The following LRRC4C variants were observed in gnomAD, a reference collection of about 807,000 sequenced individuals.
LRRC4C encodes the protein leucine-rich repeat-containing protein 4C.
In LRRC4C, 5 loss-of-function variants were observed where a neutral mutation model predicts 33.6. The ratio of observed to expected loss-of-function variants is 0.15; its 90% CI spans 0.08 to 0.31. The LOEUF is 0.31. Among genes scored for constraint, LRRC4C ranks in the 10% least tolerant of loss-of-function variants. The pLI is 1.00. For synonymous variants in LRRC4C, 329 were observed against 302.0 expected (o/e 1.09, Z -0.93); for missense variants, 560 against 796.7 (o/e 0.70, Z 3.58).
intron 1 of LRRC4C, among the ~76,000 whole-genome samples, chr11:41,372,615 A>G (rs1306562292): frequency 6.6e-6 from 1 of 152,280 alleles, no homozygotes; most frequent in East Asian, 1.9e-4. Context: ...ATGAAGTTGG[A>G]GACACAGATA....
At chr11:40,904,759 C>G (rs755508925) in intron 2 of LRRC4C, among the ~76,000 whole-genome samples, 1 of 152,124 alleles carries the variant, frequency 6.6e-6, no homozygotes, top group Non-Finnish European at 1.5e-5. Context: ...CTCTCTCTCT[C>G]GGTCTAGATC....
intron 2 of LRRC4C, among the ~76,000 whole-genome samples, chr11:40,793,541 C>T (rs1226637004): frequency 2.0e-5 from 3 of 152,076 alleles, no homozygotes; most frequent in African/African-American, 7.2e-5. Flanking sequence ...TCATTTAATA[C>T]TCACAACAAA....
At chr11:40,274,699 T>C (rs1199336341) in intron 4 of LRRC4C, among the ~76,000 whole-genome samples, 1 of 152,058 alleles carries the variant, frequency 6.6e-6, no homozygotes, top group East Asian at 1.9e-4. Flanking sequence ...GACTCTTGGA[T>C]AGATAAAAAG....
intron 3 of LRRC4C, among the ~76,000 whole-genome samples, chr11:40,521,079 T>C (rs1339963625): frequency 6.6e-6 from 1 of 152,110 alleles, no homozygotes; most frequent in Non-Finnish European, 1.5e-5. Flanking sequence ...AAGCAACCAT[T>C]TGTGAAATGT....
chr11:40,387,471 C>T (rs1387097659), intron 3 of LRRC4C, among the ~76,000 whole-genome samples: 1 of 152,152 alleles, frequency 6.6e-6, no homozygotes, highest in Non-Finnish European at 1.5e-5. Flanking sequence ...CGCACAGTAC[C>T]CATGACTAAC....
chr11:40,344,667 A>G (rs1947038227), intron 3 of LRRC4C, among the ~76,000 whole-genome samples: 1 of 152,072 alleles, frequency 6.6e-6, no homozygotes, highest in South Asian at 2.1e-4. Context: ...AATCCAGCAA[A>G]GGAAAGAAAT....
intron 3 of LRRC4C, among the ~76,000 whole-genome samples, chr11:40,474,239 G>A (rs1953092333): frequency 1.3e-5 from 2 of 152,012 alleles, no homozygotes; most frequent in Non-Finnish European, 2.9e-5. Flanking sequence ...CAGATATATA[G>A]ACCAACGGAA....
intron 2 of LRRC4C, among the ~76,000 whole-genome samples, chr11:40,802,469 C>T (rs1004963354): frequency 6.6e-6 from 1 of 150,406 alleles, no homozygotes; most frequent in African/African-American, 2.4e-5. Context: ...TAATAAAACA[C>T]CCAGAAATTG....
intron 1 of LRRC4C, among the ~76,000 whole-genome samples, chr11:41,213,722 TC>T (rs1358517107): frequency 1.3e-5 from 2 of 152,208 alleles, no homozygotes; most frequent in South Asian, 2.1e-4. Flanking sequence ...AATATGCACT[TC>T]CATACACACA....
At chr11:40,236,094 T>A (rs1343465050) in intron 5 of LRRC4C, among the ~76,000 whole-genome samples, 4 of 150,156 alleles carry the variant, frequency 2.7e-5, no homozygotes, top group Non-Finnish European at 4.4e-5. Context: ...CTTCAGCCTA[T>A]GAAAAAAAAA....
intron 1 of LRRC4C, among the ~76,000 whole-genome samples, chr11:41,129,570 G>T (rs1565410312): frequency 6.6e-6 from 1 of 151,770 alleles, no homozygotes. Context: ...AATTCAAATG[G>T]ATTCTTCAAT....
chr11:40,256,350 T>C (rs865873489), intron 4 of LRRC4C, among the ~76,000 whole-genome samples: 1 of 152,142 alleles, frequency 6.6e-6, no homozygotes, highest in Non-Finnish European at 1.5e-5. Context: ...GAACTGGAAG[T>C]AATGATGACA....
rs1188440177 is a variant in LRRC4C at position 41,442,866 on chromosome 11, C to CA, written c.-496+16564dup. On this transcript the variant is annotated intron_variant, in intron 1 of 6. Transcript: ENST00000528697. ...TAATCTGAAATAGTTCATCTATCTT[C>CA]AAATTTCTGCCCAACAATTACAATG... Among the ~76,000 whole-genome samples the CA allele has an allele frequency of 3.3e-5, 5 of 152,040 alleles. No homozygotes were observed. The East Asian group carries it at 9.7e-4, about 29-fold the overall frequency.
intron 2 of LRRC4C, among the ~76,000 whole-genome samples, chr11:40,861,105 G>A (rs1429204822): frequency 6.6e-6 from 1 of 151,806 alleles, no homozygotes; most frequent in Non-Finnish European, 1.5e-5. Flanking sequence ...TAACTCTCAG[G>A]GGAAACTAAG....
chr11:41,173,797 G>A (rs1048725445), intron 1 of LRRC4C, among the ~76,000 whole-genome samples: 1 of 152,182 alleles, frequency 6.6e-6, no homozygotes. Context: ...TCTAACTTCA[G>A]TGCATGACTC....
intron 4 of LRRC4C, among the ~76,000 whole-genome samples, chr11:40,270,374 T>G (rs528284491): frequency 6.6e-6 from 1 of 152,074 alleles, no homozygotes; most frequent in Non-Finnish European, 1.5e-5. Context: ...TCTCAGTCTT[T>G]CCTTTCTGCT....
chr11:40,779,008 C>T (rs1950117123), intron 2 of LRRC4C, among the ~76,000 whole-genome samples: 1 of 152,070 alleles, frequency 6.6e-6, no homozygotes, highest in South Asian at 2.1e-4. Flanking sequence ...GTTCTCTCTA[C>T]ATTGTGGAGA....
chr11:40,476,856 G>A (rs1162351233), intron 3 of LRRC4C, among the ~76,000 whole-genome samples: 1 of 152,104 alleles, frequency 6.6e-6, no homozygotes, highest in Non-Finnish European at 1.5e-5. Flanking sequence ...TATTATGGCA[G>A]ATTTAAACTA....
chr11:41,000,668 T>G (rs1310623770), intron 1 of LRRC4C, among the ~76,000 whole-genome samples: 1 of 152,218 alleles, frequency 6.6e-6, no homozygotes, highest in Non-Finnish European at 1.5e-5. Flanking sequence ...TCCTACTGGC[T>G]GCTCAGCCCT....
Sources: gnomAD v4.1 joint callset for allele counts (sites outside exome capture counted in the v4.1 genomes callset) on GRCh38, gnomAD v4.1.1 for gene constraint, MANE v1.5 for transcripts, NCBI Gene and HGNC (gene_info 2026-07-23, HGNC 2026-07-21) for gene names.